The following SERINC4 variants were observed in gnomAD, a reference collection of about 807,000 sequenced individuals.
SERINC4 encodes the protein serine incorporator 4.
In SERINC4, 52 loss-of-function variants were observed where a neutral mutation model predicts 52.0. The observed-to-expected ratio is 1.00, with a 90% CI of 0.80 to 1.26. SERINC4 has a LOEUF of 1.26. SERINC4 is among the 50% of genes most tolerant of loss of function. The probability of loss-of-function intolerance (pLI) is 0.00; values close to 1 mark genes in which losing one functional copy is unlikely to be tolerated. For missense variants in SERINC4, 723 were observed against 632.8 expected (o/e 1.14, Z -1.53); for synonymous variants, 264 against 247.7 (o/e 1.07, Z -0.62).
In SERINC4 at chr15:43,794,798, TAACAGTA is replaced by T. The variant is rs1251197996; in HGVS notation, c.*195_*201del. 5.5e-6 allele frequency: 3 copies of T among 548,550 alleles called. No individual in the cohort carries two copies. 34.0% of individuals were successfully genotyped at this position (548,550 alleles called of 1,614,324 possible). ...AGGCTCTTGAGCTGGGATGCAGATG[TAACAGTA>T]GCTCCAGTGAGTCAGACACTCTGCC... On this transcript the variant is annotated 3_prime_UTR_variant, in exon 12 of 12. Coordinates refer to ENST00000319327, the MANE Select transcript of SERINC4 (RefSeq NM_001258031.2).
intron 3 of SERINC4, 32 bp downstream of exon 3, chr15:43,798,927 G>T (rs1436690673): frequency 6.5e-7 from 1 of 1,548,134 alleles, no homozygotes. Flanking sequence ...TCCCTCCTCT[G>T]TCCCCTCCCC....
At chr15:43,795,357 A>C (rs1158880323) in intron 11 of SERINC4, 31 bp downstream of exon 11, 5 of 1,612,450 alleles carry the variant, frequency 3.1e-6, no homozygotes, top group South Asian at 1.1e-5. Flanking sequence ...CTAGCTCTTC[A>C]GGAGAGTATC....
chr15:43,799,749 C>T, intron 1 of SERINC4, 136 bp downstream of exon 1: 1 of 839,906 alleles, frequency 1.2e-6, no homozygotes, highest in Non-Finnish European at 2.0e-6. Flanking sequence ...GGAAACATGG[C>T]GGGAGAGATT....
Position 43,795,034 on chromosome 15 carries a change from A to G in SERINC4, c.1523T>C (p.Ile508Thr), listed in dbSNP as rs1186591979. ...AGGATATTTGTTATCTGGGGATATGATGCGGTGGCGGCGGCGCCTCAAGAT... is the reference window on the plus strand; with the variant it reads ...AGGATATTTGTTATCTGGGGATATGGTGCGGTGGCGGCGGCGCCTCAAGAT... Reference protein sequence around the residue: ...PLILRRRRHRIISPDNKYPPV With the variant: ...PLILRRRRHRTISPDNKYPPV The change falls in exon 12 of 12, where the codon ATC (isoleucine) becomes ACC (threonine). Residue 508 changes from isoleucine to threonine, a missense_variant. By Grantham distance (89) the Ile-to-Thr change is moderately conservative. Transcript: ENST00000319327. 16 of 1,605,516 alleles carry G rather than the reference A, an allele frequency of 1.0e-5. No individual in the cohort carries two copies. In the South Asian group the frequency reaches 1.8e-4, roughly 18 times the overall value.
At chr15:43,797,600 C>T in intron 5 of SERINC4, 1 of 517,472 alleles carries the variant, frequency 1.9e-6, no homozygotes, top group Non-Finnish European at 3.5e-6. Flanking sequence ...ACCATGTTGG[C>T]CAGGCTGGTC....
intron 5 of SERINC4, 85 bp from the exon 6 acceptor site, chr15:43,797,441 G>C: frequency 1.0e-6 from 1 of 1,004,284 alleles, no homozygotes; most frequent in Non-Finnish European, 1.5e-6. Flanking sequence ...TGCCCAGGCT[G>C]GAGTGCAATG....
chr15:43,799,301 C>A lies in SERINC4; in HGVS notation c.279+9G>T, dbSNP rs779232336. The A allele has an allele frequency of 4.5e-6, 7 of 1,550,014 alleles. No homozygotes were observed. The highest frequency in any genetic ancestry group is 1.4e-5 in the African/African-American group (1 of 73,036). ...TTCCCACCTGACAACCCGACCCCCT[C>A]TCACTTACCCTGTGTGTCTTGCCCC... On this transcript the variant is annotated intron_variant, in intron 2 of 11. Coordinates refer to ENST00000319327, the MANE Select transcript of SERINC4 (RefSeq NM_001258031.2).
Position 43,797,349 on chromosome 15 carries a change from C to T in SERINC4, c.640G>A (p.Gly214Ser), listed in dbSNP as rs758593352. ...AACCAGCTACAGTCTTGAGCTGCAC[C>T]TGTCTGCCTAAGGGTGGAAAGTGGG... ...AHSWNKNWQT[G>S]AAQDCSWFLA... is the part of the protein sequence containing the mutation. The change falls in exon 6 of 12, where the codon GGT becomes AGT. Residue 214 changes from glycine to serine, a missense_variant. Coordinates refer to ENST00000319327, the MANE Select transcript of SERINC4 (RefSeq NM_001258031.2). 13 of 1,548,046 alleles carry T rather than the reference C, an allele frequency of 8.4e-6. No homozygotes were observed. The East Asian group carries it at 2.7e-4, about 32-fold the overall frequency.
chr15:43,799,129 C>A lies in SERINC4; in HGVS notation c.288G>T (p.Met96Ile). ...RVWGKTHRIQ[M>I]PSGLCAHLFG... ...ACAGGTGGGCACACAACCCCGAGGG[C>A]ATCTGGATCTGGGAGTGTGTGTGAG... Residue 96 changes from methionine to isoleucine, a missense_variant, in exon 3 of 12, where the codon ATG becomes ATT. Met to Ile is a conservative substitution (Grantham distance 10, BLOSUM62 1). Transcript: ENST00000319327. 6.5e-7 allele frequency: 1 copy of A among 1,548,866 alleles called. No homozygotes were observed. Among genetic ancestry groups the A allele is most frequent in the Non-Finnish European group, 8.7e-7 (1 of 1,145,556 alleles).
Position 43,796,236 on chromosome 15 carries a change from G to C in SERINC4, c.1068-9C>G. 1 of 1,609,068 alleles carries C rather than the reference G, an allele frequency of 6.2e-7. No homozygotes were observed. Among genetic ancestry groups the C allele is most frequent in the African/African-American group, 1.3e-5 (1 of 74,902 alleles). On this transcript the variant is annotated splice_polypyrimidine_tract_variant and intron_variant, in intron 8 of 11. Transcript: ENST00000319327. Reference sequence around the variant, plus strand: ...GGTAGGAGGCCTCATTGCTGAGAAAGAATAGAGTTCTTAAGCTGGTTTAGT... The same window carrying C: ...GGTAGGAGGCCTCATTGCTGAGAAACAATAGAGTTCTTAAGCTGGTTTAGT...
chr15:43,799,923 C>CGCTGTGCT lies in SERINC4; in HGVS notation c.56_63dup (p.Gly22SerfsTer9). The stretch of plus-strand genomic sequence containing the variant: ...CTTTTCACTAGGACACTGCTGCCTC[C>CGCTGTGCT]GCTGTGCTGCTGTGCCAGGCCCAGG... On this transcript the variant is annotated frameshift_variant, in exon 1 of 12. Coordinates refer to ENST00000319327, the MANE Select transcript of SERINC4 (RefSeq NM_001258031.2). LOFTEE classifies it high-confidence loss of function. 1.3e-6 allele frequency: 2 copies of CGCTGTGCT among 1,549,788 alleles called. No individual in the cohort carries two copies. Among genetic ancestry groups the CGCTGTGCT allele is most frequent in the Non-Finnish European group, 1.7e-6 (2 of 1,146,676 alleles).
rs757303218 is a variant in SERINC4 at position 43,795,745 on chromosome 15, CAG to C, written c.1141-11_1141-10del. The C allele has an allele frequency of 8.7e-6, 14 of 1,613,332 alleles. No homozygotes were observed. The highest frequency in any genetic ancestry group is 1.3e-5 in the African/African-American group (1 of 74,888). On this transcript the variant is annotated splice_polypyrimidine_tract_variant and intron_variant, in intron 9 of 11. Transcript: ENST00000319327. ...AAACACAGTGAGGGCTTCTGCAAAA[CAG>C]AACGCAGGTTTTGGAATGGTCTTAA...
In SERINC4 at chr15:43,795,629, G is replaced by T. The variant is rs149510309; in HGVS notation, c.1189+59C>A. ...ACTACCTTTGTTAAGGCTCTTGAGG[G>T]TTCTTATGGCACTCCACAGAGATCT... is the stretch of plus-strand genomic sequence containing the variant. On this transcript the variant is annotated intron_variant, in intron 10 of 11. Coordinates refer to ENST00000319327, the MANE Select transcript of SERINC4 (RefSeq NM_001258031.2). The T allele has an allele frequency of 4.3e-4, 690 of 1,598,276 alleles. 6 individuals are homozygous for T. In the African/African-American group the frequency reaches 8.4e-3, roughly 19 times the overall value.
chr15:43,794,266 C>A lies in SERINC4; in HGVS notation c.*734G>T. The stretch of plus-strand genomic sequence containing the variant: ...TCTAAGAACCATAGAGACTTCTTTT[C>A]TGTGATTTTTGTTCCCCACCCTTGA... On this transcript the variant is annotated 3_prime_UTR_variant, in exon 12 of 12. Coordinates refer to ENST00000319327, the MANE Select transcript of SERINC4 (RefSeq NM_001258031.2). The A allele has an allele frequency of 3.0e-6, 1 of 332,938 alleles. No individual in the cohort carries two copies. Among genetic ancestry groups the A allele is most frequent in the Non-Finnish European group, 5.5e-6 (1 of 181,752 alleles). 20.6% of individuals were successfully genotyped at this position (332,938 alleles called of 1,614,324 possible).
At position 43,799,762 on chromosome 15, in the gene SERINC4, C is replaced by T. The variant is rs1043634651; in HGVS notation, c.102+123G>A. On this transcript the variant is annotated intron_variant, in intron 1 of 11. Coordinates refer to ENST00000319327, the MANE Select transcript of SERINC4 (RefSeq NM_001258031.2). Reference sequence around the variant, plus strand: ...CTGGAAACATGGCGGGAGAGATTTACAGATTATACCTGGGGCAACGAACCA... The same window carrying T: ...CTGGAAACATGGCGGGAGAGATTTATAGATTATACCTGGGGCAACGAACCA... 1.8e-4 allele frequency: 155 copies of T among 873,006 alleles called. No homozygotes were observed. In the African/African-American group the frequency reaches 1.8e-3, roughly 10 times the overall value. 54.1% of individuals were successfully genotyped at this position (873,006 alleles called of 1,614,324 possible). A position where few individuals can be genotyped will look rare whatever the true frequency, so the allele number is the denominator to read the frequency against.
At chr15:43,798,369 C>T in intron 4 of SERINC4, 56 bp downstream of exon 4, 1 of 1,340,658 alleles carries the variant, frequency 7.5e-7, no homozygotes. Context: ...TTCTTACCCA[C>T]TTGTTATCTT....
Position 43,795,372 on chromosome 15 carries a change from G to A in SERINC4, c.1343+16C>T. On this transcript the variant is annotated intron_variant, in intron 11 of 11. Coordinates refer to ENST00000319327, the MANE Select transcript of SERINC4 (RefSeq NM_001258031.2). ...CTAGCTCTTCAGGAGAGTATCTAAG[G>A]CCCACTCCATCTTACCTGAACCAGT... The A allele has an allele frequency of 6.2e-7, 1 of 1,613,764 alleles. No homozygotes were observed. Among genetic ancestry groups the A allele is most frequent in the Non-Finnish European group, 8.5e-7 (1 of 1,179,668 alleles).
rs767226118 is a variant in SERINC4 at position 43,796,842 on chromosome 15, TACCTCTCTCTGGAGG to T, written c.928_940+2del. 7 of 1,613,774 alleles carry T rather than the reference TACCTCTCTCTGGAGG, an allele frequency of 4.3e-6. No individual in the cohort carries two copies. The highest frequency in any genetic ancestry group is 5.9e-6 in the Non-Finnish European group (7 of 1,179,666). On this transcript the variant is annotated splice_donor_variant and coding_sequence_variant, in exon 7 of 12. Transcript: ENST00000319327. LOFTEE classifies it high-confidence loss of function. ...CATGGAGAATCCAGGTCCTGTCCCT[TACCTCTCTCTGGAGG>T]ACGGCTGGACAGTGCAGAGAAAGTC...
At position 43,797,253 on chromosome 15, in the gene SERINC4, A is replaced by T; in HGVS notation, c.736T>A (p.Tyr246Asn). 6.4e-7 allele frequency: 1 copy of T among 1,550,520 alleles called. No individual in the cohort carries two copies. Residue 246 changes from tyrosine to asparagine, a missense_variant, in exon 6 of 12, where the codon TAT becomes AAT. Physicochemically the swap from Tyr to Asn is moderately radical, Grantham distance 143. Transcript: ENST00000319327. Reference sequence around the variant, plus strand: ...AGGCAGCCAGCTGGGTGTGTATAATAGTGGAATAGGAGCACAGCTCCCACA... The same window carrying T: ...AGGCAGCCAGCTGGGTGTGTATAATTGTGGAATAGGAGCACAGCTCCCACA... ...AGVGAVLLFH[Y>N]YTHPAGCLLN...
Sources: gnomAD v4.1 joint callset for allele counts on GRCh38, gnomAD v4.1.1 for gene constraint, MANE v1.5 for transcripts, NCBI Gene and HGNC (gene_info 2026-07-23, HGNC 2026-07-21) for gene names.